The following BCAT1 variants were observed in gnomAD, a reference collection of about 807,000 sequenced individuals.
BCAT1 encodes branched chain amino acid transaminase 1.
Under a neutral mutation model 52.4 loss-of-function variants are expected in BCAT1, and 48 were observed. The ratio of observed to expected loss-of-function variants is 0.92; its 90% CI spans 0.73 to 1.16. The LOEUF is 1.16. BCAT1 is among the 50% of genes most tolerant of loss of function. The pLI is 0.00. For synonymous variants in BCAT1, 167 were observed against 161.3 expected, an observed-to-expected ratio of 1.04 and a Z score of -0.27; for missense variants, 451 against 457.1, an observed-to-expected ratio of 0.99 and a Z score of 0.12.
At chr12:24,843,538 A>T (rs11047677) in intron 6 of BCAT1, among the ~76,000 whole-genome samples, 2 of 151,932 alleles carry the variant, frequency 1.3e-5, no homozygotes, top group Admixed American at 6.5e-5. Flanking sequence ...GGGAGGCAAA[A>T]GTTGCAGTGA....
intron 5 of BCAT1, among the ~76,000 whole-genome samples, chr12:24,860,442 C>G (rs764400833): frequency 3.3e-5 from 5 of 152,020 alleles, no homozygotes; most frequent in South Asian, 4.1e-4. Context: ...GTAAATTATA[C>G]TCCTATGAGA....
intron 3 of BCAT1, among the ~76,000 whole-genome samples, chr12:24,881,932 C>T (rs1816512965): frequency 6.6e-6 from 1 of 152,128 alleles, no homozygotes; most frequent in African/African-American, 2.4e-5. Flanking sequence ...TGTTAAGCCA[C>T]GTCACCTCCC....
At chr12:24,832,700 A>G (rs766280400) in intron 9 of BCAT1, 23 bp downstream of exon 9, 1 of 1,586,008 alleles carries the variant, frequency 6.3e-7, no homozygotes, top group Non-Finnish European at 8.6e-7. Context: ...AAATGATAGG[A>G]AATGAGGAAA....
intron 3 of BCAT1, among the ~76,000 whole-genome samples, chr12:24,891,535 A>G (rs1365356777): frequency 1.3e-5 from 2 of 152,238 alleles, no homozygotes; most frequent in African/African-American, 4.8e-5. Context: ...TTTGTTACAT[A>G]GTGGTAACCA....
chr12:24,923,647 C>A (rs1007007396), intron 1 of BCAT1, among the ~76,000 whole-genome samples: 1 of 152,118 alleles, frequency 6.6e-6, no homozygotes, highest in Non-Finnish European at 1.5e-5. Flanking sequence ...TGAGCCCAAG[C>A]GATCCTCCCA....
At chr12:24,901,134 G>T (rs921336981) in intron 2 of BCAT1, among the ~76,000 whole-genome samples, 4 of 152,178 alleles carry the variant, frequency 2.6e-5, no homozygotes, top group African/African-American at 4.8e-5. Context: ...AAACTGATGA[G>T]TCAAGTTTCC....
intron 1 of BCAT1, chr12:24,903,116 G>C: frequency 7.5e-7 from 1 of 1,329,144 alleles, no homozygotes; most frequent in African/African-American, 1.5e-5. Context: ...CCACGACCTG[G>C]GGCCGCGCGC....
intron 4 of BCAT1, 52 bp downstream of exon 4, chr12:24,881,249 C>A: frequency 1.5e-6 from 2 of 1,314,544 alleles, no homozygotes; most frequent in Non-Finnish European, 1.1e-6. Context: ...TGGTCAACAC[C>A]GTGACCCGTT....
chr12:24,931,321 T>C (rs1417160239), intron 1 of BCAT1, among the ~76,000 whole-genome samples: 1 of 152,064 alleles, frequency 6.6e-6, no homozygotes, highest in African/African-American at 2.4e-5. Context: ...CCTCAAAAAT[T>C]GGACACTAGG....
At chr12:24,876,852 G>A (rs1942362217) in intron 5 of BCAT1, among the ~76,000 whole-genome samples, 1 of 151,974 alleles carries the variant, frequency 6.6e-6, no homozygotes, top group African/African-American at 2.4e-5. Context: ...ATGGATGCTG[G>A]GCTTAATACC....
chr12:24,854,956 A>T (rs1217694080), intron 5 of BCAT1, among the ~76,000 whole-genome samples: 1 of 152,184 alleles, frequency 6.6e-6, no homozygotes, highest in Non-Finnish European at 1.5e-5. Flanking sequence ...CACAGCGGGG[A>T]TACCTCTTAG....
In BCAT1 at chr12:24,817,723, G is replaced by C. The variant is rs1317457624; in HGVS notation, c.*285C>G. On this transcript the variant is annotated 3_prime_UTR_variant, in exon 11 of 11. Coordinates refer to ENST00000261192, the MANE Select transcript of BCAT1 (RefSeq NM_005504.7). ...TTAGTATCTGAGTGAAGTACAAAAG[G>C]AGGCACTAAAATCATTGAGGAAAAT... 3 of 363,864 alleles carry C rather than the reference G, an allele frequency of 8.2e-6. No individual in the cohort carries two copies. The highest frequency in any genetic ancestry group is 4.0e-5 in the Admixed American group (1 of 25,174). 22.5% of individuals were successfully genotyped at this position (363,864 alleles called of 1,614,324 possible). A position where few individuals can be genotyped will look rare whatever the true frequency, so the allele number is the denominator to read the frequency against.
At position 24,811,370 on chromosome 12, in the gene BCAT1, CTTTT is replaced by C. The variant is rs1939672795; in HGVS notation, c.*6634_*6637del. 1 of 152,130 alleles carries C rather than the reference CTTTT, an allele frequency of 6.6e-6. No individual in the cohort carries two copies. Among genetic ancestry groups the C allele is most frequent in the African/African-American group, 2.4e-5 (1 of 41,444 alleles). 9.4% of individuals were successfully genotyped at this position (152,130 alleles called of 1,614,324 possible). A position where few individuals can be genotyped will look rare whatever the true frequency, so the allele number is the denominator to read the frequency against. On this transcript the variant is annotated 3_prime_UTR_variant, in exon 11 of 11. Coordinates refer to ENST00000261192, the MANE Select transcript of BCAT1 (RefSeq NM_005504.7). ...TTCATGAAACCACACAAACAGGATT[CTTTT>C]GTTTTATTGATAACAGAAACTGTGC...
chr12:24,817,535 T>C lies in BCAT1; in HGVS notation c.*473A>G, dbSNP rs1294212022. ...ACAGTGATGGGAGGAAATCCAGTTT[T>C]AAAAGTCTTGATTTAAAAAAAAGAA... On this transcript the variant is annotated 3_prime_UTR_variant, in exon 11 of 11. Coordinates refer to ENST00000261192, the MANE Select transcript of BCAT1 (RefSeq NM_005504.7). 3 of 157,106 alleles carry C rather than the reference T, an allele frequency of 1.9e-5. No homozygotes were observed. The highest frequency in any genetic ancestry group is 7.2e-5 in the African/African-American group (3 of 41,458). 9.7% of individuals were successfully genotyped at this position (157,106 alleles called of 1,614,324 possible). A position where few individuals can be genotyped will look rare whatever the true frequency, so the allele number is the denominator to read the frequency against.
intron 5 of BCAT1, among the ~76,000 whole-genome samples, chr12:24,866,405 G>A (rs1222431188): frequency 3.9e-5 from 6 of 152,196 alleles, no homozygotes; most frequent in Non-Finnish European, 7.3e-5. Context: ...GATCCTGTGC[G>A]GCCTGAGTCT....
At chr12:24,871,206 A>G (rs921438453) in intron 5 of BCAT1, among the ~76,000 whole-genome samples, 3 of 152,144 alleles carry the variant, frequency 2.0e-5, no homozygotes, top group Admixed American at 6.5e-5. Flanking sequence ...GTGGAAGTGT[A>G]AGATGGGCCT....
chr12:24,892,269 C>T (rs1042432343), intron 3 of BCAT1, among the ~76,000 whole-genome samples: 2 of 151,992 alleles, frequency 1.3e-5, no homozygotes, highest in African/African-American at 2.4e-5. Flanking sequence ...CCCATCTCCC[C>T]GAAACTGCTG....
rs1940734450 is a variant in BCAT1 at position 24,832,782 on chromosome 12, A to C, written c.985T>G (p.Phe329Val). The stretch of plus-strand genomic sequence containing the variant: ...ACAACACAGGCTGTACCAGAGCCAA[A>C]CATCTCTCTCACTCTGTTCCCCTCC... Reference protein sequence around the residue: ...ALEGNRVREMFGSGTACVVCP... With the variant: ...ALEGNRVREMVGSGTACVVCP... Residue 329 changes from phenylalanine (F) to valine (V), a missense_variant, in exon 9 of 11, where the codon TTT becomes GTT. By Grantham distance (50) the Phe-to-Val change is conservative. Coordinates refer to ENST00000261192, the MANE Select transcript of BCAT1 (RefSeq NM_005504.7). 3 of 1,611,830 alleles carry C rather than the reference A, an allele frequency of 1.9e-6. No individual in the cohort carries two copies. Among genetic ancestry groups the C allele is most frequent in the Non-Finnish European group, 2.5e-6 (3 of 1,178,988 alleles).
chr12:24,931,178 T>C (rs1193112699), intron 1 of BCAT1, among the ~76,000 whole-genome samples: 4 of 152,146 alleles, frequency 2.6e-5, no homozygotes, highest in Admixed American at 2.6e-4. Flanking sequence ...AGTGCTGGGA[T>C]TACAGGTGTG....
Sources: gnomAD v4.1 joint callset for allele counts (sites outside exome capture counted in the v4.1 genomes callset) on GRCh38, gnomAD v4.1.1 for gene constraint, MANE v1.5 for transcripts, NCBI Gene and HGNC (gene_info 2026-07-23, HGNC 2026-07-21) for gene names.